Variants in PHF24 observed in about 807,000 individuals in gnomAD.
The protein encoded by PHF24 is PHD finger protein 24, also known as Galpha inhibitory interacting protein.
In PHF24, 25 loss-of-function variants were observed where a neutral mutation model predicts 42.6. The ratio of observed to expected loss-of-function variants is 0.59; its 90% CI spans 0.43 to 0.82. The LOEUF is 0.82. Ranked by LOEUF, PHF24 falls within the 40% of genes least tolerant of loss-of-function variation. The pLI is 0.00. For synonymous variants in PHF24, 185 were observed against 204.8 expected, an observed-to-expected ratio of 0.90 and a Z score of 0.83; for missense variants, 470 against 538.1, an observed-to-expected ratio of 0.87 and a Z score of 1.25.
chr9:34,715,367 C>G, the PHF24 span, among the ~76,000 whole-genome samples: 2 of 152,116 alleles, frequency 1.3e-5, no homozygotes, highest in African/African-American at 4.8e-5. Context: ...TTCCTCTGCC[C>G]TCAGCTGCTG....
chr9:34,772,991 GTTT>G, the PHF24 span, among the ~76,000 whole-genome samples: 2 of 136,806 alleles, frequency 1.5e-5, no homozygotes, highest in Admixed American at 7.4e-5. Context: ...TCAGAGTTCT[GTTT>G]TTTTTTTTTT....
At chr9:34,812,412 A>G in the PHF24 span, among the ~76,000 whole-genome samples, 1 of 152,240 alleles carries the variant, frequency 6.6e-6, no homozygotes, top group Admixed American at 6.5e-5. Flanking sequence ...AAGAATCTCT[A>G]TATGACCTGG....
At chr9:34,833,891 A>G in the PHF24 span, 9 of 1,547,120 alleles carry the variant, frequency 5.8e-6, no homozygotes, top group South Asian at 1.2e-5. Flanking sequence ...TTGGCTAGTG[A>G]CTGCCGGGGC....
At chr9:34,687,616 G>A in the PHF24 span, among the ~76,000 whole-genome samples, 1 of 152,186 alleles carries the variant, frequency 6.6e-6, no homozygotes, top group African/African-American at 2.4e-5. Flanking sequence ...TATCCTGGTA[G>A]CATCTTCTTC....
At chr9:34,913,910 G>A in the PHF24 span, among the ~76,000 whole-genome samples, 1 of 152,174 alleles carries the variant, frequency 6.6e-6, no homozygotes, top group African/African-American at 2.4e-5. Context: ...GAGAAGGAGT[G>A]TTAAAAGTTT....
At chr9:34,710,177 C>CT in the PHF24 span, 5 of 800,536 alleles carry the variant, frequency 6.2e-6, no homozygotes, top group African/African-American at 8.6e-5. Flanking sequence ...TAGCTAGACA[C>CT]TTTCACTTCC....
chr9:34,851,591 A>G, the PHF24 span, among the ~76,000 whole-genome samples: 16 of 152,156 alleles, frequency 1.1e-4, no homozygotes, highest in African/African-American at 3.4e-4. Flanking sequence ...CGGCTCGCAC[A>G]CAGTGCGCTG....
chr9:34,928,975 T>G, the PHF24 span, among the ~76,000 whole-genome samples: 1 of 152,284 alleles, frequency 6.6e-6, no homozygotes, highest in African/African-American at 2.4e-5. Flanking sequence ...TACAGACCAC[T>G]GGGAACCCAG....
the PHF24 span, among the ~76,000 whole-genome samples, chr9:34,825,902 T>A: frequency 6.6e-6 from 1 of 152,122 alleles, no homozygotes; most frequent in Admixed American, 6.5e-5. Flanking sequence ...CCGTCTGGAT[T>A]CCCATGGGTC....
chr9:34,909,190 A>G, the PHF24 span, among the ~76,000 whole-genome samples: 2 of 152,102 alleles, frequency 1.3e-5, no homozygotes, highest in Non-Finnish European at 2.9e-5. Flanking sequence ...TATGTTGACT[A>G]GGCTGGCCTC....
At chr9:34,877,648 T>C in the PHF24 span, among the ~76,000 whole-genome samples, 1 of 152,178 alleles carries the variant, frequency 6.6e-6, no homozygotes, top group Non-Finnish European at 1.5e-5. Context: ...TATATATTTT[T>C]ACCATAATTT....
At chr9:34,874,724 G>T in the PHF24 span, among the ~76,000 whole-genome samples, 1 of 152,112 alleles carries the variant, frequency 6.6e-6, no homozygotes, top group Non-Finnish European at 1.5e-5. Context: ...ATAGCACAGG[G>T]TTTTATCCAG....
chr9:34,744,859 A>T, the PHF24 span, among the ~76,000 whole-genome samples: 1,884 of 152,160 alleles, frequency 0.012, 23 homozygotes, highest in Admixed American at 0.028. Context: ...ATCACCTGTC[A>T]TGACTTGGCA....
the PHF24 span, chr9:34,725,937 C>T: frequency 1.2e-5 from 19 of 1,550,448 alleles, 1 homozygote; most frequent in South Asian, 2.0e-4. Context: ...GAAGGGAGCC[C>T]ACAGAATAGC....
At chr9:34,900,548 G>A in the PHF24 span, among the ~76,000 whole-genome samples, 2 of 152,170 alleles carry the variant, frequency 1.3e-5, no homozygotes, top group Non-Finnish European at 2.9e-5. Context: ...GCAGTGAGCT[G>A]AGATATCACC....
chr9:34,969,229 G>A lies in PHF24; in HGVS notation c.-4-2066G>A, dbSNP rs191817323. On this transcript the variant is annotated intron_variant, in intron 1 of 7. Transcript: ENST00000242315. Reference sequence around the variant, plus strand: ...GAAAGTTTTAATCAGGGGATAACTCGACACCTGAATGTCCCAGGGACATCT... The same window carrying A: ...GAAAGTTTTAATCAGGGGATAACTCAACACCTGAATGTCCCAGGGACATCT... Among the ~76,000 whole-genome samples, 103 of 152,298 alleles carry A rather than the reference G, an allele frequency of 6.8e-4. 1 individual carries two copies. The highest frequency in any genetic ancestry group is 1.4e-3 in the Non-Finnish European group (92 of 68,028).
At chr9:34,835,582 G>A in the PHF24 span, 1 of 1,551,790 alleles carries the variant, frequency 6.4e-7, no homozygotes, top group Admixed American at 2.0e-5. Flanking sequence ...GGCTGGGGTT[G>A]CTCTGCTCAT....
At chr9:34,737,229 A>C in the PHF24 span, among the ~76,000 whole-genome samples, 2 of 152,172 alleles carry the variant, frequency 1.3e-5, no homozygotes, top group Non-Finnish European at 2.9e-5. Context: ...CCCAGCAACC[A>C]TGAATCTGCT....
chr9:34,755,833 C>A, the PHF24 span, among the ~76,000 whole-genome samples: 1 of 151,938 alleles, frequency 6.6e-6, no homozygotes, highest in African/African-American at 2.4e-5. Context: ...GGATATAAAT[C>A]ACCTGTTAGA....
Sources: allele counts gnomAD v4.1 joint callset (sites outside exome capture counted in the v4.1 genomes callset), GRCh38; gene constraint gnomAD v4.1.1; transcripts MANE v1.5; gene names NCBI Gene and HGNC (gene_info 2026-07-23, HGNC 2026-07-21).